The following CTNND2 variants were observed in gnomAD, a reference collection of about 807,000 sequenced individuals.
CTNND2 encodes the protein catenin delta-2.
CTNND2 carries 22 observed loss-of-function variants against 144.4 expected under a neutral mutation model. The observed-to-expected ratio is 0.15, with a 90% CI of 0.11 to 0.22. The LOEUF (loss-of-function observed/expected upper bound fraction) is 0.22. Ranked by LOEUF, CTNND2 falls within the 10% of genes least tolerant of loss-of-function variation. CTNND2 has a pLI of 1.00. For synonymous variants in CTNND2, 751 were observed against 695.6 expected (o/e 1.08, Z -1.25); for missense variants, 1,353 against 1,618.8 (o/e 0.84, Z 2.82).
chr5:11,846,843 A>G lies in CTNND2; in HGVS notation c.37+56974T>C, dbSNP rs1225586667. 3.3e-5 allele frequency among the ~76,000 whole-genome samples: 5 copies of G among 151,992 alleles called. No individual in the cohort carries two copies. The South Asian group carries it at 8.3e-4, about 25-fold the overall frequency. Reference sequence around the variant, plus strand: ...AAAATGGTTAATAGACATCCAAAAAAAATCAACATCACTAATCAACAGATA... The same window carrying G: ...AAAATGGTTAATAGACATCCAAAAAGAATCAACATCACTAATCAACAGATA... On this transcript the variant is annotated intron_variant, in intron 1 of 21. Transcript: ENST00000304623.
chr5:11,300,624 CTT>C (rs61271659), intron 9 of CTNND2, among the ~76,000 whole-genome samples: 74 of 146,326 alleles, frequency 5.1e-4, no homozygotes, highest in Non-Finnish European at 4.7e-4. Flanking sequence ...AGACAAACAA[CTT>C]TTTTTTTTTT....
At chr5:11,240,386 T>TCAACACACACACCCAACA (rs147304815) in intron 9 of CTNND2, among the ~76,000 whole-genome samples, 1 of 93,808 alleles carries the variant, frequency 1.1e-5, no homozygotes, top group African/African-American at 4.6e-5. Flanking sequence ...ACACATACAC[T>TCAACACACACACCCAACA]CACACACCCA....
chr5:11,032,538 T>A (rs900913264), intron 16 of CTNND2, among the ~76,000 whole-genome samples: 4 of 152,216 alleles, frequency 2.6e-5, no homozygotes, highest in Non-Finnish European at 4.4e-5. Flanking sequence ...ATTGCTTAGT[T>A]ACTGAAAATG....
chr5:11,640,585 T>C (rs1022015023), intron 2 of CTNND2, among the ~76,000 whole-genome samples: 1 of 152,202 alleles, frequency 6.6e-6, no homozygotes, highest in Admixed American at 6.5e-5. Context: ...GTGTCACACA[T>C]ACCTAGGTTC....
chr5:11,384,395 G>C lies in CTNND2; in HGVS notation c.1177+270C>G, dbSNP rs1758821906. On this transcript the variant is annotated intron_variant, in intron 7 of 21. Coordinates refer to ENST00000304623, the MANE Select transcript of CTNND2 (RefSeq NM_001332.4). The surrounding 1 kb of genome is among the most constrained non-coding windows in gnomAD (Gnocchi z 5.2). ...CTTTTATGAGTTAGTCTTTAGGCTG[G>C]GGAGAGGGCAGAGAGAGAAGAGAGG... 2 of 482,968 alleles carry C rather than the reference G, an allele frequency of 4.1e-6. No homozygotes were observed. The highest frequency in any genetic ancestry group is 2.0e-5 in the African/African-American group (1 of 50,648). The allele number at this position is 482,968 out of a possible 1,614,324, so 29.9% of individuals were successfully genotyped here. A position where few individuals can be genotyped will look rare whatever the true frequency, so the allele number is the denominator to read the frequency against.
chr5:11,303,642 C>G (rs575956388), intron 9 of CTNND2, among the ~76,000 whole-genome samples: 2 of 152,266 alleles, frequency 1.3e-5, no homozygotes, highest in African/African-American at 4.8e-5. Context: ...AGGAAGAGCT[C>G]CAAGACATAG....
Position 11,692,277 on chromosome 5 carries a change from CA to C in CTNND2, c.174+39858del, listed in dbSNP as rs964953806. On this transcript the variant is annotated intron_variant, in intron 2 of 21. Coordinates refer to ENST00000304623, the MANE Select transcript of CTNND2 (RefSeq NM_001332.4). ...CTTACCTTCTTTCAGAAATTTCAAA[CA>C]AAAAAAAATTTTAAAAAGTAAAAGA... Among the ~76,000 whole-genome samples the C allele has an allele frequency of 2.2e-4, 33 of 151,184 alleles. 2 individuals are homozygous for C. In the South Asian group the frequency reaches 4.0e-3, roughly 18 times the overall value.
intron 1 of CTNND2, among the ~76,000 whole-genome samples, chr5:11,881,556 T>A (rs1181040314): frequency 6.6e-6 from 1 of 151,922 alleles, no homozygotes; most frequent in Non-Finnish European, 1.5e-5. Flanking sequence ...GCCTGGCTTA[T>A]TTCATTTAAC....
intron 3 of CTNND2, among the ~76,000 whole-genome samples, chr5:11,506,448 AG>A (rs1182643029): frequency 6.6e-6 from 1 of 152,252 alleles, no homozygotes; most frequent in Admixed American, 6.5e-5. Flanking sequence ...GATACAAAAT[AG>A]CCAAAATGTA....
At chr5:11,883,389 T>C (rs1736275709) in intron 1 of CTNND2, among the ~76,000 whole-genome samples, 1 of 152,130 alleles carries the variant, frequency 6.6e-6, no homozygotes, top group African/African-American at 2.4e-5. Flanking sequence ...TGTCCACGTG[T>C]TCTCCTTATT....
chr5:11,198,831 G>A (rs192719253), intron 11 of CTNND2, among the ~76,000 whole-genome samples: 1 of 152,314 alleles, frequency 6.6e-6, no homozygotes, highest in East Asian at 1.9e-4. Flanking sequence ...GTGTTTACAT[G>A]TATTCCATAT....
chr5:11,055,024 C>T (rs1325358977), intron 16 of CTNND2, among the ~76,000 whole-genome samples: 1 of 152,172 alleles, frequency 6.6e-6, no homozygotes, highest in Non-Finnish European at 1.5e-5. Context: ...TGCCAAGGGT[C>T]CCATTTTCCA....
At chr5:11,562,911 T>C (rs1776790700) in intron 3 of CTNND2, among the ~76,000 whole-genome samples, 1 of 152,216 alleles carries the variant, frequency 6.6e-6, no homozygotes, top group African/African-American at 2.4e-5. Flanking sequence ...TAATGAAAAC[T>C]ATACGGCTCT....
intron 2 of CTNND2, among the ~76,000 whole-genome samples, chr5:11,592,528 T>C (rs1009797146): frequency 1.2e-4 from 18 of 151,976 alleles, no homozygotes; most frequent in African/African-American, 2.7e-4. Context: ...AAAATCAACA[T>C]TGTGAGATAA....
At chr5:11,894,189 G>A (rs1737214480) in intron 1 of CTNND2, among the ~76,000 whole-genome samples, 5 of 150,938 alleles carry the variant, frequency 3.3e-5, no homozygotes, top group South Asian at 4.3e-4. Flanking sequence ...GGTGCCAGAC[G>A]CGGCAGCCCA....
intron 2 of CTNND2, among the ~76,000 whole-genome samples, chr5:11,654,573 G>T (rs1427703530): frequency 6.6e-6 from 1 of 151,274 alleles, no homozygotes; most frequent in Admixed American, 6.6e-5. Flanking sequence ...AGTGATTTTT[G>T]TATGCTGATT....
chr5:11,658,373 C>A (rs1783020551), intron 2 of CTNND2, among the ~76,000 whole-genome samples: 1 of 152,022 alleles, frequency 6.6e-6, no homozygotes, highest in South Asian at 2.1e-4. Flanking sequence ...AGAACTAAAT[C>A]TGTATTAATT....
At chr5:11,182,207 T>C (rs1434546426) in intron 11 of CTNND2, among the ~76,000 whole-genome samples, 2 of 148,576 alleles carry the variant, frequency 1.3e-5, no homozygotes, top group Non-Finnish European at 1.5e-5. Context: ...TGTGTGTGGG[T>C]GTGTGTGTAG....
intron 18 of CTNND2, among the ~76,000 whole-genome samples, chr5:11,015,718 A>G (rs542885199): frequency 6.6e-6 from 1 of 152,350 alleles, no homozygotes; most frequent in African/African-American, 2.4e-5. Context: ...TTCAGGATCT[A>G]AAGGAAAGAG....
Sources: allele counts gnomAD v4.1 joint callset (sites outside exome capture counted in the v4.1 genomes callset), GRCh38; gene constraint gnomAD v4.1.1; non-coding constraint Gnocchi (gnomAD v3.1); transcripts MANE v1.5; gene names NCBI Gene and HGNC (gene_info 2026-07-23, HGNC 2026-07-21).